CADM4: variants seen among roughly 807,000 people sequenced by gnomAD.
CADM4 encodes TSLC1-like 2.
CADM4 carries 13 observed loss-of-function variants against 43.9 expected under a neutral mutation model. The ratio of observed to expected loss-of-function variants is 0.30; its 90% CI spans 0.19 to 0.47. The LOEUF is 0.47. Ranked by LOEUF, CADM4 falls within the 20% of genes least tolerant of loss-of-function variation. The pLI is 1.00. For synonymous variants in CADM4, 209 were observed against 220.9 expected (o/e 0.95, Z 0.48); for missense variants, 420 against 527.0 (o/e 0.80, Z 1.99).
chr19:43,623,347 C>G lies in CADM4; in HGVS notation c.1150G>C (p.Glu384Gln). ...LNGSDGHKRK[E>Q]EFFI The stretch of plus-strand genomic sequence containing the variant: ...GGATAGGGTCAGATGAAGAATTCCT[C>G]TTTCCTCTTGTGTCCGTCGCTGCCA... Residue 384 changes from glutamate to glutamine, a missense_variant, in exon 9 of 9, where the codon GAG (glutamate) becomes CAG (glutamine). Transcript: ENST00000222374. The surrounding 1 kb of genome is among the most constrained non-coding windows in gnomAD (Gnocchi z 4.4). 4 of 1,614,074 alleles carry G rather than the reference C, an allele frequency of 2.5e-6. No individual in the cohort carries two copies. The South Asian group carries it at 4.4e-5, about 18-fold the overall frequency.
chr19:43,638,207 A>G (rs1352326199), intron 1 of CADM4, among the ~76,000 whole-genome samples: 2 of 152,344 alleles, frequency 1.3e-5, no homozygotes, highest in South Asian at 2.1e-4. Context: ...CTCTGCCTCA[A>G]ACCCTGGAGT....
intron 1 of CADM4, among the ~76,000 whole-genome samples, chr19:43,634,647 G>A (rs569111480): frequency 1.3e-5 from 2 of 152,242 alleles, no homozygotes; most frequent in South Asian, 4.1e-4. Context: ...GAGGGGCTGA[G>A]CTTTGGGGAC....
At chr19:43,634,187 C>T (rs530026609) in intron 1 of CADM4, among the ~76,000 whole-genome samples, 3 of 152,322 alleles carry the variant, frequency 2.0e-5, no homozygotes, top group South Asian at 2.1e-4. Context: ...GGATGAGCCC[C>T]GCTCCTGAAG....
In CADM4 at chr19:43,626,250, C is replaced by T. The variant is rs866029846; in HGVS notation, c.538G>A (p.Val180Met). Residue 180 changes from valine to methionine, a missense_variant, in exon 5 of 9, where the codon GTG (valine) becomes ATG (methionine). Transcript: ENST00000222374. This position sits in a 1 kb window ranked among gnomAD's most constrained non-coding sequence, Gnocchi z 5.9. The part of the protein sequence containing the change: ...SSQENGKVWS[V>M]ASTVRFRVDR... ...ACACGAAACCGTACTGTGCTTGCCA[C>T]GCTCCAGACCTTGCCATTTTCCTGG... 6.2e-7 allele frequency: 1 copy of T among 1,612,884 alleles called. No homozygotes were observed. Among genetic ancestry groups the T allele is most frequent in the South Asian group, 1.1e-5 (1 of 91,088 alleles).
At chr19:43,635,080 C>T (rs1390774184) in intron 1 of CADM4, among the ~76,000 whole-genome samples, 5 of 151,922 alleles carry the variant, frequency 3.3e-5, no homozygotes, top group African/African-American at 1.2e-4. Context: ...CCTTCAGGAC[C>T]CAGGAGCCAG....
chr19:43,629,198 G>C lies in CADM4; in HGVS notation c.65-1408C>G, dbSNP rs568490220. Among the ~76,000 whole-genome samples, 102 of 152,340 alleles carry C rather than the reference G, an allele frequency of 6.7e-4. 1 individual carries two copies. The South Asian group carries it at 6.8e-3, about 10-fold the overall frequency. On this transcript the variant is annotated intron_variant, in intron 1 of 8. Transcript: ENST00000222374. Reference sequence around the variant, plus strand: ...CATAATCCTTCACACTGGCTGAACAGAGAGGACTCCAAGGAGCCTAGAGGA... The same window carrying C: ...CATAATCCTTCACACTGGCTGAACACAGAGGACTCCAAGGAGCCTAGAGGA...
At chr19:43,630,281 C>CT (rs59489315) in intron 1 of CADM4, among the ~76,000 whole-genome samples, 10,823 of 73,266 alleles carry the variant, frequency 0.15, 1,361 homozygotes, top group Admixed American at 0.21. Context: ...TTTTTCTTTT[C>CT]TTTTTTTTTT....
chr19:43,631,383 T>C (rs1973623668), intron 1 of CADM4, among the ~76,000 whole-genome samples: 2 of 151,824 alleles, frequency 1.3e-5, no homozygotes, highest in South Asian at 4.2e-4. Flanking sequence ...GAAAGTGTTA[T>C]GTTTTCTGTA....
upstream of CADM4, chr19:43,639,864 C>A: frequency 1.0e-6 from 1 of 974,614 alleles, no homozygotes; most frequent in South Asian, 4.7e-5. Flanking sequence ...CGCCCCGCCC[C>A]CCGCGCCCCG....
chr19:43,625,460 A>C lies in CADM4; in HGVS notation c.756-210T>G, dbSNP rs1317414433. On this transcript the variant is annotated intron_variant, in intron 6 of 8. Transcript: ENST00000222374. The surrounding 1 kb of genome is among the most constrained non-coding windows in gnomAD (Gnocchi z 4.5). ...TCAGGAATTCTAGCCCAGGCTGAAC[A>C]TGGTGGCTTATGCCTGCAATCCCAG... Among the ~76,000 whole-genome samples the C allele has an allele frequency of 6.6e-6, 1 of 152,164 alleles. No individual in the cohort carries two copies. Among genetic ancestry groups the C allele is most frequent in the African/African-American group, 2.4e-5 (1 of 41,444 alleles).
chr19:43,633,937 C>A (rs1415482085), intron 1 of CADM4, among the ~76,000 whole-genome samples: 1 of 151,860 alleles, frequency 6.6e-6, no homozygotes, highest in Non-Finnish European at 1.5e-5. Context: ...CTCAAGCAAT[C>A]CCCCTGCCTT....
At chr19:43,635,472 C>T (rs1296929306) in intron 1 of CADM4, among the ~76,000 whole-genome samples, 2 of 138,884 alleles carry the variant, frequency 1.4e-5, no homozygotes, top group African/African-American at 5.4e-5. Context: ...TGGAATCCCC[C>T]GCCTCCAGCC....
intron 1 of CADM4, among the ~76,000 whole-genome samples, chr19:43,638,001 C>T (rs1038484941): frequency 9.2e-5 from 14 of 151,918 alleles, no homozygotes; most frequent in Admixed American, 5.9e-4. Context: ...GGTGTTTAGC[C>T]TAAAAAATAA....
chr19:43,629,860 G>T (rs1022129642), intron 1 of CADM4, among the ~76,000 whole-genome samples: 1 of 151,740 alleles, frequency 6.6e-6, no homozygotes, highest in African/African-American at 2.4e-5. Flanking sequence ...CAAGTGATCC[G>T]CCTGCCTCAG....
At chr19:43,631,103 G>A (rs1973616883) in intron 1 of CADM4, among the ~76,000 whole-genome samples, 1 of 152,150 alleles carries the variant, frequency 6.6e-6, no homozygotes, top group South Asian at 2.1e-4. Flanking sequence ...AGCACTTTGG[G>A]AGGCCGAGGT....
At position 43,623,577 on chromosome 19, in the gene CADM4, A is replaced by ACTCC; in HGVS notation, c.1058-139_1058-138insGGAG. 1.5e-6 allele frequency: 1 copy of ACTCC among 683,100 alleles called. No individual in the cohort carries two copies. The highest frequency in any genetic ancestry group is 2.7e-6 in the Non-Finnish European group (1 of 374,666). The allele number at this position is 683,100 out of a possible 1,614,324, so 42.3% of individuals were successfully genotyped here. A position where few individuals can be genotyped will look rare whatever the true frequency, so the allele number is the denominator to read the frequency against. The stretch of plus-strand genomic sequence containing the variant: ...AGGGAGAAACGGAACACACAGGGAG[A>ACTCC]GGCAGAGAAAGAGGTAAACAGTGGC... On this transcript the variant is annotated intron_variant, in intron 8 of 8. Coordinates refer to ENST00000222374, the MANE Select transcript of CADM4 (RefSeq NM_145296.2). This position sits in a 1 kb window ranked among gnomAD's most constrained non-coding sequence, Gnocchi z 4.4.
At chr19:43,640,227 G>T (rs1973758900), upstream of CADM4, among the ~76,000 whole-genome samples, 3 of 151,960 alleles carry the variant, frequency 2.0e-5, no homozygotes, top group South Asian at 6.2e-4. Context: ...GGCTGTGCGA[G>T]GGTGGGGGCG....
In CADM4 at chr19:43,627,081, T is replaced by C. The variant is rs1321232979; in HGVS notation, c.364+85A>G. 3 of 1,497,946 alleles carry C rather than the reference T, an allele frequency of 2.0e-6. No homozygotes were observed. In the African/African-American group the frequency reaches 4.2e-5, roughly 21 times the overall value. The allele number at this position is 1,497,946 out of a possible 1,614,324, so 92.8% of individuals were successfully genotyped here. A position where few individuals can be genotyped will look rare whatever the true frequency, so the allele number is the denominator to read the frequency against. ...AGATGCCCATCCAGGATGTTAAAAA[T>C]AGCCATGGTCTGAAAGTCTCAGGAG... On this transcript the variant is annotated intron_variant, in intron 3 of 8. Coordinates refer to ENST00000222374, the MANE Select transcript of CADM4 (RefSeq NM_145296.2). The surrounding 1 kb of genome is among the most constrained non-coding windows in gnomAD (Gnocchi z 4.0).
rs1314987873 is a variant in CADM4, at chr19:43,623,345, C to T, written c.1152G>A (p.Glu384=). Reference sequence around the variant, plus strand: ...GGGGATAGGGTCAGATGAAGAATTCCTCTTTCCTCTTGTGTCCGTCGCTGC... The same window carrying T: ...GGGGATAGGGTCAGATGAAGAATTCTTCTTTCCTCTTGTGTCCGTCGCTGC... ...LNGSDGHKRK[E]EFFI is the part of the protein sequence containing the mutation. Residue 384 remains glutamate (E), a synonymous_variant, in exon 9 of 9, where the codon GAG becomes GAA. Coordinates refer to ENST00000222374, the MANE Select transcript of CADM4 (RefSeq NM_145296.2). The surrounding 1 kb of genome is among the most constrained non-coding windows in gnomAD (Gnocchi z 4.4). 3 of 1,614,038 alleles carry T rather than the reference C, an allele frequency of 1.9e-6. No homozygotes were observed. The highest frequency in any genetic ancestry group is 2.5e-6 in the Non-Finnish European group (3 of 1,179,960).
Sources: allele counts gnomAD v4.1 joint callset (sites outside exome capture counted in the v4.1 genomes callset), GRCh38; gene constraint gnomAD v4.1.1; non-coding constraint Gnocchi (gnomAD v3.1); transcripts MANE v1.5; gene names NCBI Gene and HGNC (gene_info 2026-07-23, HGNC 2026-07-21).